Variants in CNTNAP2 observed in about 807,000 individuals in gnomAD.
CNTNAP2 encodes the protein contactin-associated protein-like 2.
CNTNAP2 carries 98 observed loss-of-function variants against 155.2 expected under a neutral mutation model. The observed-to-expected ratio is 0.63, with a 90% CI of 0.54 to 0.75. CNTNAP2 has a LOEUF of 0.75. Among genes scored for constraint, CNTNAP2 ranks in the 30% least tolerant of loss-of-function variants. The pLI, the probability that CNTNAP2 is intolerant of heterozygous loss-of-function variation, is 0.00. For missense variants in CNTNAP2, 1,727 were observed against 1,688.1 expected (o/e 1.02, Z -0.40); for synonymous variants, 651 against 631.2 (o/e 1.03, Z -0.47).
intron 18 of CNTNAP2, 54 bp from the exon 19 acceptor site, chr7:148,217,234 G>T (rs867469420): frequency 6.4e-7 from 1 of 1,562,304 alleles, no homozygotes; most frequent in Admixed American, 1.7e-5. Flanking sequence ...TCATTGTAGG[G>T]TATCGGCATC....
chr7:146,741,088 C>T (rs946030549), intron 1 of CNTNAP2, among the ~76,000 whole-genome samples: 7 of 152,064 alleles, frequency 4.6e-5, no homozygotes, highest in Non-Finnish European at 1.0e-4. Flanking sequence ...TTCATTCTAT[C>T]TAGTGGATGG....
At chr7:148,357,368 A>T (rs1432574670) in intron 21 of CNTNAP2, among the ~76,000 whole-genome samples, 1 of 152,134 alleles carries the variant, frequency 6.6e-6, no homozygotes, top group Non-Finnish European at 1.5e-5. Flanking sequence ...TTCCTTTATA[A>T]ATTACCCAGT....
intron 15 of CNTNAP2, among the ~76,000 whole-genome samples, chr7:148,002,630 GA>G (rs1315501211): frequency 2.6e-5 from 4 of 152,024 alleles, no homozygotes; most frequent in African/African-American, 7.2e-5. Flanking sequence ...CCAAAACCTT[GA>G]TTTTTTTGGA....
intron 8 of CNTNAP2, among the ~76,000 whole-genome samples, chr7:147,142,579 C>A (rs1346164052): frequency 6.6e-6 from 1 of 152,052 alleles, no homozygotes; most frequent in African/African-American, 2.4e-5. Context: ...CAGGATGATG[C>A]TGGCCTCATA....
chr7:148,097,450 G>A (rs967848120), intron 15 of CNTNAP2, among the ~76,000 whole-genome samples: 1 of 150,742 alleles, frequency 6.6e-6, no homozygotes, highest in African/African-American at 2.4e-5. Context: ...GTAATATGTT[G>A]AGTAGTTTGT....
chr7:147,169,754 C>T (rs1802189690), intron 8 of CNTNAP2, among the ~76,000 whole-genome samples: 1 of 152,074 alleles, frequency 6.6e-6, no homozygotes, highest in Non-Finnish European at 1.5e-5. Flanking sequence ...CCTGGATAGA[C>T]CAATATCAAC....
At chr7:146,138,872 T>C (rs2140950) in intron 1 of CNTNAP2, among the ~76,000 whole-genome samples, 8,409 of 148,942 alleles carry the variant, frequency 0.056, 261 homozygotes, top group Middle Eastern at 0.11. Context: ...AAAATAATTC[T>C]GAGTACTTTG....
chr7:146,800,854 G>A (rs1222620331), intron 2 of CNTNAP2, among the ~76,000 whole-genome samples: 1 of 152,082 alleles, frequency 6.6e-6, no homozygotes, highest in African/African-American at 2.4e-5. Flanking sequence ...GATTCTTACA[G>A]TGAGCAAAGA....
At chr7:148,393,625 G>A (rs1799403075) in intron 22 of CNTNAP2, among the ~76,000 whole-genome samples, 1 of 152,162 alleles carries the variant, frequency 6.6e-6, no homozygotes, top group African/African-American at 2.4e-5. Context: ...CAAAGGATAT[G>A]TGTGTTTTTA....
At chr7:146,467,752 A>G (rs181523605) in intron 1 of CNTNAP2, among the ~76,000 whole-genome samples, 1 of 152,300 alleles carries the variant, frequency 6.6e-6, no homozygotes, top group East Asian at 1.9e-4. Flanking sequence ...GAATTCAGGT[A>G]AAGTTGATCT....
intron 11 of CNTNAP2, 92 bp from the exon 12 acceptor site, chr7:147,562,046 G>C (rs762830234): frequency 1.3e-6 from 2 of 1,525,458 alleles, no homozygotes; most frequent in African/African-American, 2.7e-5. Context: ...CTAACTAGTG[G>C]TTTGCTAGCA....
At chr7:147,961,502 A>G (rs1432851500) in intron 14 of CNTNAP2, among the ~76,000 whole-genome samples, 3 of 152,184 alleles carry the variant, frequency 2.0e-5, no homozygotes, top group Non-Finnish European at 4.4e-5. Context: ...GTGAACTAAT[A>G]CCACTGTTCA....
At chr7:146,396,690 T>C (rs1269752927) in intron 1 of CNTNAP2, among the ~76,000 whole-genome samples, 1 of 149,026 alleles carries the variant, frequency 6.7e-6, no homozygotes, top group African/African-American at 2.5e-5. Flanking sequence ...TCTGTTAGTT[T>C]TGGAGAATAT....
At chr7:147,621,928 G>A (rs1371573379) in intron 12 of CNTNAP2, among the ~76,000 whole-genome samples, 1 of 151,570 alleles carries the variant, frequency 6.6e-6, no homozygotes, top group Non-Finnish European at 1.5e-5. Context: ...AAAAATAAAG[G>A]GATGGAAAAA....
At chr7:146,240,454 A>G (rs28562996) in intron 1 of CNTNAP2, among the ~76,000 whole-genome samples, 19,460 of 151,934 alleles carry the variant, frequency 0.13, 3,545 homozygotes, top group African/African-American at 0.41. Context: ...CCTCTAATGA[A>G]AAATATTAAT....
chr7:147,657,729 GA>G (rs1265181852), intron 13 of CNTNAP2, among the ~76,000 whole-genome samples: 1 of 152,160 alleles, frequency 6.6e-6, no homozygotes, highest in East Asian at 1.9e-4. Flanking sequence ...TAACTGCCTT[GA>G]AAATGTTATT....
chr7:148,091,509 C>A (rs145251972), intron 15 of CNTNAP2, among the ~76,000 whole-genome samples: 5 of 152,138 alleles, frequency 3.3e-5, no homozygotes, highest in African/African-American at 1.2e-4. Context: ...CCAGAGAAGG[C>A]GATGCATATG....
rs144842680 is a variant in CNTNAP2 at position 147,943,766 on chromosome 7, C to CAAA, written c.2256-34066_2256-34064dup. Among the ~76,000 whole-genome samples, 196 of 40,182 alleles carry CAAA rather than the reference C, an allele frequency of 4.9e-3. 2 individuals are homozygous for CAAA. The highest frequency in any genetic ancestry group is 6.2e-3 in the Non-Finnish European group (152 of 24,344). 26.4% of individuals were successfully genotyped at this position (40,182 alleles called of 152,430 possible). The stretch of plus-strand genomic sequence containing the variant: ...TGAGCAACAAAGTGAGACCCCGTCT[C>CAAA]AAAAAAAAAAAAAAAAAAAAAAAAA... On this transcript the variant is annotated intron_variant, in intron 14 of 23. Coordinates refer to ENST00000361727, the MANE Select transcript of CNTNAP2 (RefSeq NM_014141.6).
chr7:147,377,749 T>G (rs1325215098), intron 9 of CNTNAP2, among the ~76,000 whole-genome samples: 2 of 151,964 alleles, frequency 1.3e-5, no homozygotes, highest in African/African-American at 4.8e-5. Context: ...CCTACTAAAT[T>G]CTACCTTTTG....
Sources: allele counts gnomAD v4.1 joint callset (sites outside exome capture counted in the v4.1 genomes callset), GRCh38; gene constraint gnomAD v4.1.1; transcripts MANE v1.5; gene names NCBI Gene and HGNC (gene_info 2026-07-23, HGNC 2026-07-21).